Variants in PIK3R4 observed in about 807,000 individuals in gnomAD.
PIK3R4 encodes phosphoinositide 3-kinase regulatory subunit 4.
In PIK3R4, 46 loss-of-function variants were observed where a neutral mutation model predicts 136.5. The observed-to-expected ratio is 0.34, with a 90% CI of 0.27 to 0.43. The LOEUF (loss-of-function observed/expected upper bound fraction) is 0.43, where lower values mean the gene tolerates loss of function less well. Among genes scored for constraint, PIK3R4 ranks in the 20% least tolerant of loss-of-function variants. PIK3R4 has a pLI of 1.00. For missense variants in PIK3R4, 1,331 were observed against 1,649.5 expected (o/e 0.81, Z 3.35); for synonymous variants, 557 against 566.7 (o/e 0.98, Z 0.24).
chr3:130,734,181 A>G (rs1473750499), intron 3 of PIK3R4, 51 bp from the exon 4 acceptor site: 1 of 1,432,044 alleles, frequency 7.0e-7, no homozygotes, highest in Non-Finnish European at 9.5e-7. Flanking sequence ...ATAGAAAAGT[A>G]AACCAGATGA....
chr3:130,734,101 A>G lies in PIK3R4; in HGVS notation c.897T>C (p.Asp299=), dbSNP rs2066773643. The change falls in exon 4 of 20, where the codon GAT becomes GAC. Residue 299 remains aspartate, a synonymous_variant. Coordinates refer to ENST00000356763, the MANE Select transcript of PIK3R4 (RefSeq NM_014602.3). ...LVTQMIHREP[D]KRLEAEDYLK... ...AGTAATCTTCTGCCTCTAAACGTTT[A>G]TCTGGCTCACGGTGAATCATCTGAG... 1 of 1,613,532 alleles carries G rather than the reference A, an allele frequency of 6.2e-7. No homozygotes were observed. Among genetic ancestry groups the G allele is most frequent in the South Asian group, 1.1e-5 (1 of 91,066 alleles).
intron 5 of PIK3R4, among the ~76,000 whole-genome samples, 174 bp from the exon 6 acceptor site, chr3:130,728,858 G>A (rs879448756): frequency 6.6e-5 from 10 of 152,010 alleles, no homozygotes; most frequent in Admixed American, 6.6e-4. Context: ...AAGCTCTGAA[G>A]GATGGGAAAC....
In PIK3R4 at chr3:130,680,691, G is replaced by C. The variant is rs1480666820; in HGVS notation, c.3828C>G (p.Ser1276=). Residue 1276 remains serine, a synonymous_variant, in exon 19 of 20, where the codon TCC becomes TCG. Transcript: ENST00000356763. ...AACTAGTACTTCCTGCAACAACATA[G>C]GACCTTTCTGGGTAAGCCAAGTCCC... ...RFWDLAYPER[S]YVVAGSTSSP... 1 of 1,612,372 alleles carries C rather than the reference G, an allele frequency of 6.2e-7. No homozygotes were observed. The highest frequency in any genetic ancestry group is 8.5e-7 in the Non-Finnish European group (1 of 1,178,852).
chr3:130,745,224 C>A lies in PIK3R4; in HGVS notation c.-6G>T, dbSNP rs2066845810. The A allele has an allele frequency of 6.3e-7, 1 of 1,590,992 alleles. No individual in the cohort carries two copies. ...CCAGCAAGCTGATTTCCCATAATGG[C>A]AAGCACCTCTGTGGTCTTTAGTAAG... On this transcript the variant is annotated 5_prime_UTR_variant, in exon 2 of 20. Transcript: ENST00000356763.
chr3:130,706,220 T>C (rs1457935478), intron 11 of PIK3R4, among the ~76,000 whole-genome samples: 1 of 152,008 alleles, frequency 6.6e-6, no homozygotes, highest in African/African-American at 2.4e-5. Flanking sequence ...AGATCATAAG[T>C]TGAAAATATC....
intron 13 of PIK3R4, among the ~76,000 whole-genome samples, chr3:130,691,880 T>TC (rs2066521792): frequency 6.9e-6 from 1 of 144,322 alleles, no homozygotes. Context: ...TTTTTTTTTT[T>TC]TTTTTTTTTT....
intron 7 of PIK3R4, among the ~76,000 whole-genome samples, chr3:130,719,223 C>A (rs971582440): frequency 6.6e-6 from 1 of 152,036 alleles, no homozygotes; most frequent in African/African-American, 2.4e-5. Flanking sequence ...ATGTATTAAA[C>A]ATAAAATCAA....
intron 14 of PIK3R4, 42 bp downstream of exon 14, chr3:130,690,448 T>C: frequency 6.9e-7 from 1 of 1,449,882 alleles, no homozygotes; most frequent in Non-Finnish European, 9.6e-7. Flanking sequence ...GGTACTGTAG[T>C]GCACTAAATA....
chr3:130,727,708 G>A (rs1456335932), intron 6 of PIK3R4, among the ~76,000 whole-genome samples: 1 of 152,116 alleles, frequency 6.6e-6, no homozygotes, highest in Non-Finnish European at 1.5e-5. Flanking sequence ...TTCATAATTG[G>A]CCAAATCTTA....
chr3:130,679,298 A>G lies in PIK3R4; in HGVS notation c.*17T>C, dbSNP rs774812673. On this transcript the variant is annotated 3_prime_UTR_variant, in exon 20 of 20. Coordinates refer to ENST00000356763, the MANE Select transcript of PIK3R4 (RefSeq NM_014602.3). ...ATTATATTTATAACTATTAAAATTT[A>G]TACAAATCAGTAGGTTTTATTTCCA... 2.7e-6 allele frequency: 4 copies of G among 1,489,722 alleles called. No individual in the cohort carries two copies. The highest frequency in any genetic ancestry group is 2.5e-5 in the South Asian group (2 of 79,890). The allele number at this position is 1,489,722 out of a possible 1,614,324, so 92.3% of individuals were successfully genotyped here. A position where few individuals can be genotyped will look rare whatever the true frequency, so the allele number is the denominator to read the frequency against.
chr3:130,734,908 T>C (rs1421118741), intron 3 of PIK3R4, among the ~76,000 whole-genome samples: 1 of 152,208 alleles, frequency 6.6e-6, no homozygotes, highest in Non-Finnish European at 1.5e-5. Flanking sequence ...GTAGTGAACA[T>C]GGGGGACTCA....
chr3:130,711,342 G>C (rs2066631623), intron 9 of PIK3R4, among the ~76,000 whole-genome samples: 1 of 152,160 alleles, frequency 6.6e-6, no homozygotes, highest in Non-Finnish European at 1.5e-5. Flanking sequence ...ATACTGTCTA[G>C]AGAGAGTTGC....
At chr3:130,724,456 A>T (rs1435577888) in intron 6 of PIK3R4, among the ~76,000 whole-genome samples, 1 of 152,132 alleles carries the variant, frequency 6.6e-6, no homozygotes, top group Admixed American at 6.5e-5. Context: ...CTCCACAGTC[A>T]ATAAAATTTA....
intron 13 of PIK3R4, among the ~76,000 whole-genome samples, chr3:130,700,225 C>T (rs913721036): frequency 5.9e-5 from 9 of 152,162 alleles, no homozygotes; most frequent in African/African-American, 1.7e-4. Context: ...CACTCAAAAA[C>T]GCTGACTTTC....
intron 5 of PIK3R4, 113 bp downstream of exon 5, chr3:130,730,195 T>C: frequency 2.5e-6 from 2 of 794,702 alleles, no homozygotes; most frequent in Non-Finnish European, 4.0e-6. Flanking sequence ...CTATCTAATA[T>C]ATAGATCTGG....
chr3:130,737,575 G>A (rs1410605251), intron 2 of PIK3R4, among the ~76,000 whole-genome samples: 7 of 152,090 alleles, frequency 4.6e-5, no homozygotes, highest in East Asian at 3.9e-4. Context: ...CAGGAAAATC[G>A]CTTGAACCTG....
chr3:130,717,093 T>C (rs1352209228), intron 8 of PIK3R4, among the ~76,000 whole-genome samples: 2 of 152,204 alleles, frequency 1.3e-5, no homozygotes, highest in African/African-American at 4.8e-5. Context: ...AAGGAATACA[T>C]TCCTTGTCAA....
At chr3:130,704,563 TTC>T (rs1183432340) in intron 12 of PIK3R4, among the ~76,000 whole-genome samples, 4 of 152,152 alleles carry the variant, frequency 2.6e-5, no homozygotes, top group African/African-American at 9.7e-5. Context: ...ACTATGCATC[TTC>T]TCAATTTCAA....
At chr3:130,708,180 GTTCT>G in intron 10 of PIK3R4, 107 bp downstream of exon 10, 2 of 857,840 alleles carry the variant, frequency 2.3e-6, no homozygotes, top group Non-Finnish European at 3.6e-6. Flanking sequence ...GTATTTGTAA[GTTCT>G]TTATCTGTGA....
Sources: gnomAD v4.1 joint callset for allele counts (sites outside exome capture counted in the v4.1 genomes callset) on GRCh38, gnomAD v4.1.1 for gene constraint, MANE v1.5 for transcripts, NCBI Gene and HGNC (gene_info 2026-07-23, HGNC 2026-07-21) for gene names.